Variants in SMARCC1 observed in about 807,000 individuals in gnomAD.
The protein encoded by SMARCC1 is SWI/SNF related BAF chromatin remodeling complex subunit C1.
Under a neutral mutation model 147.4 loss-of-function variants are expected in SMARCC1, and 43 were observed. That is an observed-to-expected ratio of 0.29 (90% CI 0.23 to 0.38). The LOEUF (loss-of-function observed/expected upper bound fraction) is 0.38. Among genes scored for constraint, SMARCC1 ranks in the 10% least tolerant of loss-of-function variants. SMARCC1 has a pLI of 1.00. For synonymous variants in SMARCC1, 495 were observed against 484.4 expected (o/e 1.02, Z -0.29); for missense variants, 1,119 against 1,381.1 (o/e 0.81, Z 3.01).
intron 5 of SMARCC1, among the ~76,000 whole-genome samples, chr3:47,734,941 G>T (rs1402815797): frequency 1.3e-5 from 2 of 152,154 alleles, no homozygotes; most frequent in African/African-American, 2.4e-5. Flanking sequence ...ATTTTTAGTA[G>T]AGACAGAGTT....
intron 5 of SMARCC1, among the ~76,000 whole-genome samples, chr3:47,733,066 C>T (rs2034394786): frequency 6.6e-6 from 1 of 152,028 alleles, no homozygotes. Flanking sequence ...GAGATCACAC[C>T]ACTGCGCTCC....
intron 7 of SMARCC1, among the ~76,000 whole-genome samples, chr3:47,719,429 G>A (rs555964361): frequency 8.5e-5 from 13 of 152,052 alleles, no homozygotes; most frequent in Middle Eastern, 3.4e-3. Flanking sequence ...GGCTGGACGC[G>A]GTGGCTCACA....
Position 47,635,206 on chromosome 3 carries a change from G to A in SMARCC1, c.2630C>T (p.Ala877Val). The change falls in exon 24 of 28, where the codon GCG (alanine) becomes GTG (valine). Residue 877 changes from alanine to valine, a missense_variant. Coordinates refer to ENST00000254480, the MANE Select transcript of SMARCC1 (RefSeq NM_003074.4). ...ATAAAAALAS[A>V]ATKAKHLAAV... ...GGGGCAAACCTTGGCTTTGGTAGCC[G>A]CTGAGGCAAGAGCAGCTGCTGCGGC... is the stretch of plus-strand genomic sequence containing the variant. The A allele has an allele frequency of 5.6e-6, 9 of 1,613,626 alleles. No individual in the cohort carries two copies. The highest frequency in any genetic ancestry group is 7.6e-6 in the Non-Finnish European group (9 of 1,179,922).
At chr3:47,663,587 G>A (rs575631785) in intron 19 of SMARCC1, 6 of 1,440,262 alleles carry the variant, frequency 4.2e-6, no homozygotes, top group Admixed American at 3.8e-5. Context: ...CTTAGGTCGC[G>A]ATTTTCTCCT....
intron 25 of SMARCC1, among the ~76,000 whole-genome samples, chr3:47,616,634 C>T (rs1416209897): frequency 1.3e-5 from 2 of 151,810 alleles, no homozygotes; most frequent in African/African-American, 2.4e-5. Flanking sequence ...TTAGTAGAGA[C>T]GGGGTTTCAC....
At chr3:47,646,897 T>C (rs1025658622) in intron 21 of SMARCC1, among the ~76,000 whole-genome samples, 2 of 152,204 alleles carry the variant, frequency 1.3e-5, no homozygotes, top group African/African-American at 4.8e-5. Context: ...CCACCTACCT[T>C]CATTTTTTCC....
intron 2 of SMARCC1, 109 bp downstream of exon 2, chr3:47,772,708 T>C: frequency 9.3e-7 from 1 of 1,070,108 alleles, no homozygotes; most frequent in African/African-American, 1.6e-5. Flanking sequence ...TTTGCTTTTT[T>C]TTTTTAAATT....
In SMARCC1 at chr3:47,686,050, A is replaced by G. The variant is rs2033718439; in HGVS notation, c.1384T>C (p.Cys462Arg). The G allele has an allele frequency of 6.2e-7, 1 of 1,613,120 alleles. No homozygotes were observed. Among genetic ancestry groups the G allele is most frequent in the East Asian group, 2.2e-5 (1 of 44,838 alleles). The change falls in exon 14 of 28, where the codon TGT (cysteine) becomes CGT (arginine). Residue 462 changes from cysteine to arginine, a missense_variant and splice_region_variant. By Grantham distance (180) the Cys-to-Arg change is radical (BLOSUM62 -3). This residue lies in a region of SMARCC1 where 542 missense variants were observed against 611.8 expected (regional missense o/e 0.89). Transcript: ENST00000254480. ...PSYASWFDYN[C>R]IHVIERRALP... ...CACAGATGGAAGTGGTCCACTCACC[A>G]GTTATAATCAAACCATGATGCATAA...
chr3:47,672,083 T>G (rs997897154), intron 18 of SMARCC1, among the ~76,000 whole-genome samples: 6 of 152,260 alleles, frequency 3.9e-5, no homozygotes, highest in African/African-American at 1.4e-4. Flanking sequence ...AAGTAGTCTT[T>G]GAACTAAAGA....
At chr3:47,644,903 C>A (rs1037038353) in intron 21 of SMARCC1, among the ~76,000 whole-genome samples, 4 of 152,136 alleles carry the variant, frequency 2.6e-5, no homozygotes, top group African/African-American at 9.7e-5. Context: ...TTCTCAGTAT[C>A]TTTATTAACT....
intron 20 of SMARCC1, 62 bp downstream of exon 20, chr3:47,662,272 A>T: frequency 7.4e-7 from 1 of 1,345,000 alleles, no homozygotes; most frequent in Non-Finnish European, 1.0e-6. Flanking sequence ...AACGGCTGGT[A>T]ATATTTAAAT....
intron 25 of SMARCC1, among the ~76,000 whole-genome samples, chr3:47,618,753 CAGA>C (rs545368157): frequency 1.5e-3 from 231 of 152,158 alleles, no homozygotes; most frequent in Non-Finnish European, 2.6e-3. Flanking sequence ...ACAGATCCAT[CAGA>C]AGGTTTAAAA....
chr3:47,727,309 C>A (rs2034311236), intron 6 of SMARCC1, among the ~76,000 whole-genome samples: 1 of 152,066 alleles, frequency 6.6e-6, no homozygotes, highest in Non-Finnish European at 1.5e-5. Flanking sequence ...GAGTTCGAGA[C>A]CAACCTGGCC....
chr3:47,627,813 T>C (rs2032833475), intron 24 of SMARCC1, among the ~76,000 whole-genome samples: 1 of 152,076 alleles, frequency 6.6e-6, no homozygotes, highest in African/African-American at 2.4e-5. Context: ...CTCAAACTCC[T>C]CAGCTCAAGA....
intron 24 of SMARCC1, among the ~76,000 whole-genome samples, chr3:47,628,053 A>G (rs1470887451): frequency 6.7e-6 from 1 of 149,240 alleles, no homozygotes; most frequent in Non-Finnish European, 1.5e-5. Context: ...TCCTATATAT[A>G]TATATATTTT....
chr3:47,620,127 C>T (rs1195971589), intron 25 of SMARCC1, among the ~76,000 whole-genome samples: 1 of 152,140 alleles, frequency 6.6e-6, no homozygotes, highest in African/African-American at 2.4e-5. Flanking sequence ...TTAGCCCATG[C>T]TTAGGGAGTC....
rs549019718 is a variant in SMARCC1, at chr3:47,721,544, GCAAA to G, written c.647-813_647-810del. On this transcript the variant is annotated intron_variant, in intron 6 of 27. Coordinates refer to ENST00000254480, the MANE Select transcript of SMARCC1 (RefSeq NM_003074.4). ...GAAGTAAGCCCCCTTAAAGCCCACAGCAAACAAACAAACAAACAAACAAACAGAT... is the reference window on the plus strand; with the variant it reads ...GAAGTAAGCCCCCTTAAAGCCCACAGCAAACAAACAAACAAACAAACAGAT... Among the ~76,000 whole-genome samples, 899 of 152,116 alleles carry G rather than the reference GCAAA, an allele frequency of 5.9e-3. 6 individuals are homozygous for G. The highest frequency in any genetic ancestry group is 0.019 in the African/African-American group (782 of 41,498).
intron 2 of SMARCC1, among the ~76,000 whole-genome samples, chr3:47,752,284 A>T (rs2034638075): frequency 6.6e-6 from 1 of 152,192 alleles, no homozygotes; most frequent in South Asian, 2.1e-4. Flanking sequence ...AAAGTCAGGT[A>T]ATGGAAAGCT....
At chr3:47,642,433 T>C (rs2033060581) in intron 21 of SMARCC1, among the ~76,000 whole-genome samples, 1 of 151,882 alleles carries the variant, frequency 6.6e-6, no homozygotes, top group African/African-American at 2.4e-5. Flanking sequence ...CTACTAAAAG[T>C]ACAAAAATTA....
Sources: gnomAD v4.1 joint callset for allele counts (sites outside exome capture counted in the v4.1 genomes callset) on GRCh38, gnomAD v4.1.1 for gene constraint, gnomAD v4.1.1 regional missense constraint, MANE v1.5 for transcripts, NCBI Gene and HGNC (gene_info 2026-07-23, HGNC 2026-07-21) for gene names.